The following ABCA1 variants were observed in gnomAD, a reference collection of about 807,000 sequenced individuals.
ABCA1 encodes the protein ATP binding cassette subfamily A member 1.
In ABCA1, 133 loss-of-function variants were observed where a neutral mutation model predicts 262.5. That is an observed-to-expected ratio of 0.51 (90% CI 0.44 to 0.59). The LOEUF (loss-of-function observed/expected upper bound fraction) is 0.59, where lower values mean the gene tolerates loss of function less well. ABCA1 is among the 20% of genes least tolerant of loss of function. The pLI, the probability that ABCA1 is intolerant of heterozygous loss-of-function variation, is 0.00. For synonymous variants in ABCA1, 1,022 were observed against 1,043.5 expected, an observed-to-expected ratio of 0.98 and a Z score of 0.40; for missense variants, 2,452 against 2,777.5, an observed-to-expected ratio of 0.88 and a Z score of 2.63.
At chr9:104,863,380 T>C (rs1168347208) in intron 5 of ABCA1, among the ~76,000 whole-genome samples, 1 of 152,188 alleles carries the variant, frequency 6.6e-6, no homozygotes, top group Non-Finnish European at 1.5e-5. Context: ...CAGGACCACA[T>C]GAACTGAGCC....
At position 104,829,086 on chromosome 9, in the gene ABCA1, T is replaced by A. The variant is rs372956571; in HGVS notation, c.1945A>T (p.Ile649Phe). The part of the protein sequence containing the change: ...SMPLFMTLAW[I>F]YSVAVIIKGI... ...TTGATGATCACAGCCACTGAGTAAA[T>A]CCAGGCCAGCGTCATGAAGAGGGGC... is the stretch of plus-strand genomic sequence containing the variant. The change falls in exon 15 of 50, where the codon ATT (isoleucine) becomes TTT (phenylalanine). Residue 649 changes from isoleucine (I) to phenylalanine (F), a missense_variant. By Grantham distance (21) the Ile-to-Phe change is conservative. Transcript: ENST00000374736. The A allele has an allele frequency of 7.1e-5, 115 of 1,613,952 alleles. No homozygotes were observed. Among genetic ancestry groups the A allele is most frequent in the Non-Finnish European group, 9.7e-5 (114 of 1,180,024 alleles).
At position 104,785,531 on chromosome 9, in the gene ABCA1, C is replaced by T; in HGVS notation, c.6510G>A (p.Glu2170=). Residue 2170 remains glutamate, a synonymous_variant, in exon 49 of 50, where the codon GAG becomes GAA. Transcript: ENST00000374736. ...GLAFPGSVLK[E]KHRNMLQYQL... ...GGTATTGTAGCATGTTCCGGTGTTT[C>T]TCTTTTAGAACACTTCCAGGAAATG... is the stretch of plus-strand genomic sequence containing the variant. The T allele has an allele frequency of 6.3e-7, 1 of 1,579,036 alleles. No individual in the cohort carries two copies. The highest frequency in any genetic ancestry group is 1.1e-5 in the South Asian group (1 of 90,624).
Position 104,794,458 on chromosome 9 carries a change from T to A in ABCA1, c.5435A>T (p.His1812Leu), listed in dbSNP as rs1031101359. 3 of 1,599,534 alleles carry A rather than the reference T, an allele frequency of 1.9e-6. No individual in the cohort carries two copies. The highest frequency in any genetic ancestry group is 2.6e-6 in the Non-Finnish European group (3 of 1,175,900). Reference protein sequence around the residue: ...ILKSVFLIFPHFCLGRGLIDM... With the variant: ...ILKSVFLIFPLFCLGRGLIDM... ...GATGAGCCCTCGTCCCAGGCAAAAA[T>A]GTGGGAAGATCAAGAACACGGACTT... Residue 1812 changes from histidine to leucine, a missense_variant, in exon 40 of 50, where the codon CAT (histidine) becomes CTT (leucine). By Grantham distance (99) the His-to-Leu change is moderately conservative. Transcript: ENST00000374736.
At chr9:104,812,770 G>A (rs560041766) in intron 27 of ABCA1, 48 bp from the exon 28 acceptor site, 26 of 1,612,088 alleles carry the variant, frequency 1.6e-5, no homozygotes, top group East Asian at 4.5e-5. Context: ...AGGTGTTTTC[G>A]GCATTGCCAT....
At chr9:104,905,715 A>G (rs933652491) in intron 1 of ABCA1, among the ~76,000 whole-genome samples, 2 of 152,244 alleles carry the variant, frequency 1.3e-5, no homozygotes, top group African/African-American at 4.8e-5. Flanking sequence ...CAGAGCTTGC[A>G]TTCCAGAGAC....
chr9:104,827,216 G>C (rs753001695), intron 15 of ABCA1, 47 bp from the exon 16 acceptor site: 2 of 1,488,276 alleles, frequency 1.3e-6, no homozygotes, highest in African/African-American at 2.8e-5. Context: ...ACAATCCCAA[G>C]CACTCACTTG....
At chr9:104,849,353 A>G (rs966218067) in intron 7 of ABCA1, among the ~76,000 whole-genome samples, 1 of 152,150 alleles carries the variant, frequency 6.6e-6, no homozygotes, top group Admixed American at 6.5e-5. Flanking sequence ...CCTTCTTATC[A>G]GTAGTCTGTA....
At chr9:104,824,357 A>C in intron 18 of ABCA1, 108 bp downstream of exon 18, 1 of 1,562,370 alleles carries the variant, frequency 6.4e-7, no homozygotes, top group East Asian at 2.3e-5. Flanking sequence ...CTGCCCCTGG[A>C]GTGGTTTCAC....
chr9:104,817,222 A>C lies in ABCA1; in HGVS notation c.3535+110T>G. 2 of 1,598,408 alleles carry C rather than the reference A, an allele frequency of 1.3e-6. No homozygotes were observed. Among genetic ancestry groups the C allele is most frequent in the East Asian group, 4.5e-5 (2 of 44,266 alleles). On this transcript the variant is annotated intron_variant, in intron 24 of 49. Transcript: ENST00000374736. The surrounding 1 kb of genome is among the most constrained non-coding windows in gnomAD (Gnocchi z 4.7). ...AGCCACCCAGCCCCAGCCCAGCAGC[A>C]AACCTTGAGTCAGCGCCACCAGCCT...
Position 104,820,009 on chromosome 9 carries a change from G to A in ABCA1, c.3021C>T (p.His1007=), listed in dbSNP as rs761436192. Residue 1007 remains histidine (H), a synonymous_variant, in exon 21 of 50, where the codon CAC becomes CAT. Transcript: ENST00000374736. ...CCATCTGCTCCATCTCCGCCTTCACGTGCTTCTCAGAGAGCCCTTTCAAGC... is the reference window on the plus strand; with the variant it reads ...CCATCTGCTCCATCTCCGCCTTCACATGCTTCTCAGAGAGCCCTTTCAAGC... ...YARLKGLSEK[H]VKAEMEQMAL... 1.7e-5 allele frequency: 27 copies of A among 1,613,922 alleles called. No individual in the cohort carries two copies. Among genetic ancestry groups the A allele is most frequent in the Admixed American group, 8.3e-5 (5 of 59,988 alleles).
chr9:104,785,019 G>A (rs1415899411), intron 49 of ABCA1, among the ~76,000 whole-genome samples: 1 of 151,974 alleles, frequency 6.6e-6, no homozygotes, highest in Non-Finnish European at 1.5e-5. Context: ...TGGCACATAC[G>A]GTCTTGATTA....
intron 7 of ABCA1, among the ~76,000 whole-genome samples, chr9:104,851,586 A>C (rs1005829153): frequency 3.9e-5 from 6 of 152,108 alleles, no homozygotes. Context: ...TTAGGTCCCC[A>C]CTTAGAGGAT....
At chr9:104,874,514 C>A (rs1465763276) in intron 5 of ABCA1, among the ~76,000 whole-genome samples, 1 of 152,040 alleles carries the variant, frequency 6.6e-6, no homozygotes, top group Non-Finnish European at 1.5e-5. Context: ...TGCAGTGAAC[C>A]AAGATCGTGC....
At chr9:104,918,278 G>A (rs1841955127) in intron 1 of ABCA1, among the ~76,000 whole-genome samples, 1 of 152,154 alleles carries the variant, frequency 6.6e-6, no homozygotes, top group African/African-American at 2.4e-5. Context: ...TAAAGTAGAA[G>A]ATGAAAACCT....
intron 48 of ABCA1, 27 bp downstream of exon 48, chr9:104,786,271 C>G (rs746622249): frequency 1.3e-6 from 2 of 1,565,620 alleles, no homozygotes; most frequent in Non-Finnish European, 8.8e-7. Flanking sequence ...TCACTAGGCA[C>G]TATCCCAAAG....
chr9:104,817,909 G>T lies in ABCA1; in HGVS notation c.3463-505C>A, dbSNP rs1211899786. 6.6e-6 allele frequency among the ~76,000 whole-genome samples: 1 copy of T among 152,204 alleles called. No homozygotes were observed. Among genetic ancestry groups the T allele is most frequent in the Non-Finnish European group, 1.5e-5 (1 of 68,042 alleles). The stretch of plus-strand genomic sequence containing the variant: ...AAGAGGCTCATTAAAAGGTAAATAA[G>T]TGGATAGGAGTTTCAGGTTGGGATG... On this transcript the variant is annotated intron_variant, in intron 23 of 49. Transcript: ENST00000374736. The surrounding 1 kb of genome is among the most constrained non-coding windows in gnomAD (Gnocchi z 4.7).
chr9:104,893,740 G>A (rs189990850), intron 2 of ABCA1, among the ~76,000 whole-genome samples: 37 of 152,202 alleles, frequency 2.4e-4, no homozygotes, highest in African/African-American at 5.5e-4. Context: ...AGTCAGTAGC[G>A]GGGTTGAGAT....
In ABCA1 at chr9:104,880,673, A is replaced by G. The variant is rs1319624783; in HGVS notation, c.421+2366T>C. ...CTGCAAGACAAGCAAAGAAAGAAAG[A>G]ATTTAAGAAACAGCTGCAAGGCAGA... is the stretch of plus-strand genomic sequence containing the variant. On this transcript the variant is annotated intron_variant, in intron 5 of 49. Coordinates refer to ENST00000374736, the MANE Select transcript of ABCA1 (RefSeq NM_005502.4). 3.9e-5 allele frequency among the ~76,000 whole-genome samples: 6 copies of G among 152,292 alleles called. No homozygotes were observed. In the East Asian group the frequency reaches 9.6e-4, roughly 24 times the overall value.
rs1564143657 is a variant in ABCA1, at chr9:104,829,050, A to C, written c.1981T>G (p.Tyr661Asp). ...TCTTTCAGCCGTGCCTCCTTCTCAT[A>C]CACGATGCCCTTGATGATCACAGCC... ...SVAVIIKGIV[Y>D]EKEARLKETM... Residue 661 changes from tyrosine to aspartate, a missense_variant, in exon 15 of 50, where the codon TAT becomes GAT. This residue lies in a region of ABCA1 where 1,032 missense variants were observed against 1,089.7 expected (regional missense o/e 0.95). Transcript: ENST00000374736. 6.2e-7 allele frequency: 1 copy of C among 1,614,196 alleles called. No individual in the cohort carries two copies.
Sources: allele counts gnomAD v4.1 joint callset (sites outside exome capture counted in the v4.1 genomes callset), GRCh38; gene constraint gnomAD v4.1.1; regional missense constraint gnomAD v4.1.1; non-coding constraint Gnocchi (gnomAD v3.1); transcripts MANE v1.5; gene names NCBI Gene and HGNC (gene_info 2026-07-23, HGNC 2026-07-21).